FOXN3: variants seen among roughly 807,000 people sequenced by gnomAD.
The protein encoded by FOXN3 is forkhead box protein N3.
Under a neutral mutation model 38.4 loss-of-function variants are expected in FOXN3, and 7 were observed. That is an observed-to-expected ratio of 0.18 (90% CI 0.10 to 0.34). FOXN3 has a LOEUF of 0.34. Among genes scored for constraint, FOXN3 ranks in the 10% least tolerant of loss-of-function variants. The pLI is 1.00. For missense variants in FOXN3, 456 were observed against 613.4 expected (o/e 0.74, Z 2.71); for synonymous variants, 230 against 242.2 (o/e 0.95, Z 0.47).
At chr14:89,400,351 T>C (rs1891214061) in intron 2 of FOXN3, among the ~76,000 whole-genome samples, 1 of 152,224 alleles carries the variant, frequency 6.6e-6, no homozygotes, top group African/African-American at 2.4e-5. Context: ...TTCCAACACC[T>C]ATGCACTGTG....
Position 89,363,961 on chromosome 14 carries a change from T to TATATATATATATATATATATA in FOXN3, c.544-13174_544-13154dup, listed in dbSNP as rs1890009458. ...CCTGTCTGTAAAATATATATATATATATATATATATATATATATATATATA... is the reference window on the plus strand; with the variant it reads ...CCTGTCTGTAAAATATATATATATATATATATATATATATATATATAATATATATATATATATATATATATA... On this transcript the variant is annotated intron_variant, in intron 2 of 5. Coordinates refer to ENST00000557258, the MANE Select transcript of FOXN3 (RefSeq NM_005197.4). Among the ~76,000 whole-genome samples, 4 of 14,674 alleles carry TATATATATATATATATATATA rather than the reference T, an allele frequency of 2.7e-4. No homozygotes were observed. The South Asian group carries it at 6.8e-3, about 25-fold the overall frequency. 9.6% of individuals were successfully genotyped at this position (14,674 alleles called of 152,430 possible).
intron 3 of FOXN3, among the ~76,000 whole-genome samples, chr14:89,315,282 C>T (rs1332168801): frequency 6.6e-6 from 1 of 152,116 alleles, no homozygotes; most frequent in Non-Finnish European, 1.5e-5. Flanking sequence ...GGTGCAGCAT[C>T]ACACAGCAAT....
rs1459050800 is a variant in FOXN3, at chr14:89,160,770, G to C, written c.*1644C>G. On this transcript the variant is annotated 3_prime_UTR_variant, in exon 6 of 6. Coordinates refer to ENST00000557258, the MANE Select transcript of FOXN3 (RefSeq NM_005197.4). ...GAGTTCAACCATCCAAGCCCTACCA[G>C]AGCATGAAGATATTTTTATATTGCA... The C allele has an allele frequency of 6.6e-6, 1 of 152,428 alleles. No individual in the cohort carries two copies. Among genetic ancestry groups the C allele is most frequent in the African/African-American group, 2.4e-5 (1 of 41,364 alleles). 9.4% of individuals were successfully genotyped at this position (152,428 alleles called of 1,614,324 possible).
At chr14:89,560,666 C>A (rs991198529) in intron 1 of FOXN3, among the ~76,000 whole-genome samples, 2 of 152,196 alleles carry the variant, frequency 1.3e-5, no homozygotes, top group Admixed American at 1.3e-4. Flanking sequence ...GCAACTATTA[C>A]CTGCTTTCCA....
chr14:89,230,821 A>G (rs1351777027), intron 4 of FOXN3: 1 of 454,946 alleles, frequency 2.2e-6, no homozygotes, highest in Non-Finnish European at 4.4e-6. Flanking sequence ...AACCCTCCTT[A>G]CAGTGTTCAG....
chr14:89,475,754 C>A (rs537441983), intron 1 of FOXN3, among the ~76,000 whole-genome samples: 1 of 152,322 alleles, frequency 6.6e-6, no homozygotes, highest in African/African-American at 2.4e-5. Flanking sequence ...GAGCAACCAG[C>A]AGGCCATTCA....
At chr14:89,301,705 T>C (rs1369364209) in intron 3 of FOXN3, among the ~76,000 whole-genome samples, 1 of 150,930 alleles carries the variant, frequency 6.6e-6, no homozygotes, top group Non-Finnish European at 1.5e-5. Flanking sequence ...GAGGCAGAGG[T>C]TGCAGTGGGC....
At chr14:89,287,257 A>C (rs887170948) in intron 3 of FOXN3, among the ~76,000 whole-genome samples, 4 of 151,996 alleles carry the variant, frequency 2.6e-5, no homozygotes, top group Admixed American at 6.6e-5. Flanking sequence ...GGGTTCAAGC[A>C]ATTCTCCTGC....
intron 4 of FOXN3, among the ~76,000 whole-genome samples, chr14:89,244,434 T>C (rs1885231880): frequency 6.6e-6 from 1 of 152,204 alleles, no homozygotes; most frequent in African/African-American, 2.4e-5. Flanking sequence ...AGAGTTCACC[T>C]ACCAACTGTC....
chr14:89,316,522 C>CT (rs11337389), intron 3 of FOXN3, among the ~76,000 whole-genome samples: 6 of 143,822 alleles, frequency 4.2e-5, no homozygotes, highest in African/African-American at 1.0e-4. Context: ...TGTCCAACTA[C>CT]TTTTTTTTTT....
At chr14:89,428,896 C>T (rs1469375417) in intron 1 of FOXN3, among the ~76,000 whole-genome samples, 1 of 152,198 alleles carries the variant, frequency 6.6e-6, no homozygotes, top group Non-Finnish European at 1.5e-5. Context: ...GAGTGAATGG[C>T]AGAGCTCTCC....
intron 1 of FOXN3, among the ~76,000 whole-genome samples, chr14:89,532,948 A>G (rs1596309617): frequency 6.6e-6 from 1 of 152,246 alleles, no homozygotes; most frequent in Non-Finnish European, 1.5e-5. Context: ...CTGAATCACA[A>G]ATAGAGAAAG....
intron 2 of FOXN3, among the ~76,000 whole-genome samples, chr14:89,383,829 G>A (rs1172347716): frequency 3.4e-5 from 5 of 149,008 alleles, no homozygotes; most frequent in South Asian, 2.1e-4. Flanking sequence ...TTGCTCTGTC[G>A]CCCAGGGTGG....
At chr14:89,462,184 G>C (rs1892862014) in intron 1 of FOXN3, among the ~76,000 whole-genome samples, 1 of 152,186 alleles carries the variant, frequency 6.6e-6, no homozygotes, top group Non-Finnish European at 1.5e-5. Context: ...ACCTTGATGG[G>C]CTCTCCCAAT....
chr14:89,517,993 T>G (rs1344078280), intron 1 of FOXN3, among the ~76,000 whole-genome samples: 1 of 152,212 alleles, frequency 6.6e-6, no homozygotes, highest in African/African-American at 2.4e-5. Context: ...CAAGCAAATC[T>G]TTAGCCATTT....
chr14:89,200,424 C>G (rs1308255440), intron 4 of FOXN3, among the ~76,000 whole-genome samples: 4 of 152,168 alleles, frequency 2.6e-5, no homozygotes, highest in Non-Finnish European at 1.5e-5. Context: ...GCATCCTGGG[C>G]TGGGAGCCTG....
At chr14:89,388,500 T>TA (rs1566974863) in intron 2 of FOXN3, among the ~76,000 whole-genome samples, 1 of 152,098 alleles carries the variant, frequency 6.6e-6, no homozygotes. Flanking sequence ...GGAGAATGAA[T>TA]GCGCCATTGA....
intron 1 of FOXN3, among the ~76,000 whole-genome samples, chr14:89,422,258 G>A (rs1891930546): frequency 6.6e-6 from 1 of 152,224 alleles, no homozygotes; most frequent in Admixed American, 6.5e-5. Flanking sequence ...GGAATTACCT[G>A]AAGGGCTTGT....
chr14:89,385,499 TAAAAAAAAAAA>T (rs10681650), intron 2 of FOXN3, among the ~76,000 whole-genome samples: 1 of 108,814 alleles, frequency 9.2e-6, no homozygotes, highest in Middle Eastern at 6.4e-3. Context: ...GGCAAACATT[TAAAAAAAAAAA>T]AAAAAAAAAA....
Sources: allele counts gnomAD v4.1 joint callset (sites outside exome capture counted in the v4.1 genomes callset), GRCh38; gene constraint gnomAD v4.1.1; transcripts MANE v1.5; gene names NCBI Gene and HGNC (gene_info 2026-07-23, HGNC 2026-07-21).